The following RTN3 variants were observed in gnomAD, a reference collection of about 807,000 sequenced individuals.
The protein encoded by RTN3 is reticulon 3.
In RTN3, 49 loss-of-function variants were observed where a neutral mutation model predicts 77.8. The ratio of observed to expected loss-of-function variants is 0.63; its 90% CI spans 0.50 to 0.80. The LOEUF (loss-of-function observed/expected upper bound fraction) is 0.80. Among genes scored for constraint, RTN3 ranks in the 30% least tolerant of loss-of-function variants. The probability of loss-of-function intolerance (pLI) is 0.00; values close to 1 mark genes in which losing one functional copy is unlikely to be tolerated. For synonymous variants in RTN3, 464 were observed against 446.9 expected (o/e 1.04, Z -0.48); for missense variants, 1,236 against 1,211.9 (o/e 1.02, Z -0.29).
At chr11:63,742,644 A>G (rs2135017684) in intron 3 of RTN3, among the ~76,000 whole-genome samples, 1 of 152,106 alleles carries the variant, frequency 6.6e-6, no homozygotes, top group African/African-American at 2.4e-5. Context: ...AAACTCCATC[A>G]CACACAAAAA....
intron 3 of RTN3, among the ~76,000 whole-genome samples, chr11:63,732,182 A>G (rs1017248814): frequency 2.6e-5 from 4 of 152,004 alleles, no homozygotes; most frequent in Non-Finnish European, 5.9e-5. Flanking sequence ...TTTTGGAAAC[A>G]GGGTCTTGCT....
intron 3 of RTN3, among the ~76,000 whole-genome samples, chr11:63,731,000 G>A (rs1351988772): frequency 1.3e-5 from 2 of 152,132 alleles, no homozygotes; most frequent in African/African-American, 4.8e-5. Context: ...TATTTTACAA[G>A]TGTATAAGGT....
At chr11:63,690,495 CTGTGAGGTAGACA>C (rs1941598864) in intron 1 of RTN3, among the ~76,000 whole-genome samples, 1 of 152,134 alleles carries the variant, frequency 6.6e-6, no homozygotes, top group Non-Finnish European at 1.5e-5. Flanking sequence ...TTATGTTTAT[CTGTGAGGTAGACA>C]GGTAGCGATA....
At chr11:63,716,705 C>T (rs2011417335) in intron 2 of RTN3, among the ~76,000 whole-genome samples, 1 of 152,156 alleles carries the variant, frequency 6.6e-6, no homozygotes, top group African/African-American at 2.4e-5. Context: ...GTGGCTCATG[C>T]GTGTATTCCC....
chr11:63,744,867 C>CT (rs1434690333), intron 3 of RTN3, among the ~76,000 whole-genome samples: 1 of 152,142 alleles, frequency 6.6e-6, no homozygotes, highest in Non-Finnish European at 1.5e-5. Flanking sequence ...TGGTGCACGC[C>CT]TATAGTCCTA....
intron 2 of RTN3, among the ~76,000 whole-genome samples, chr11:63,715,590 G>A (rs921810978): frequency 2.0e-4 from 30 of 152,180 alleles, no homozygotes; most frequent in Admixed American, 9.8e-4. Flanking sequence ...TCTGGGGGGC[G>A]GAGGTTGCAG....
At chr11:63,749,005 G>C (rs1004398500) in intron 3 of RTN3, among the ~76,000 whole-genome samples, 1 of 151,936 alleles carries the variant, frequency 6.6e-6, no homozygotes, top group East Asian at 2.0e-4. Flanking sequence ...AGCTTGGCCA[G>C]GCATGGTGGC....
In RTN3 at chr11:63,759,269, A is replaced by G. The variant is rs1025702102; in HGVS notation, c.*1068A>G. 2.0e-5 allele frequency: 3 copies of G among 152,180 alleles called. No individual in the cohort carries two copies. The highest frequency in any genetic ancestry group is 2.9e-5 in the Non-Finnish European group (2 of 68,034). The allele number at this position is 152,180 out of a possible 1,614,324, so 9.4% of individuals were successfully genotyped here. On this transcript the variant is annotated 3_prime_UTR_variant, in exon 9 of 9. Transcript: ENST00000377819. ...GCAAGTTTTTTTCTTCACCTTCAAT[A>G]TGAGAATTCAGCGAACTTGAAAGAA... is the stretch of plus-strand genomic sequence containing the variant.
intron 1 of RTN3, among the ~76,000 whole-genome samples, chr11:63,686,073 AT>A (rs1316473629): frequency 1.3e-5 from 2 of 152,220 alleles, no homozygotes; most frequent in Non-Finnish European, 2.9e-5. Context: ...TTCAGTGTTC[AT>A]TTCAGAGCAA....
chr11:63,740,471 G>A (rs1351479891), intron 3 of RTN3, among the ~76,000 whole-genome samples: 1 of 46,110 alleles, frequency 2.2e-5, no homozygotes, highest in African/African-American at 7.9e-5. Context: ...TTTTTTTTTT[G>A]TATTTTTAGT....
chr11:63,732,682 A>ATTATATTAACACAATTTAT (rs1338663089), intron 3 of RTN3, among the ~76,000 whole-genome samples: 1 of 152,226 alleles, frequency 6.6e-6, no homozygotes, highest in Non-Finnish European at 1.5e-5. Context: ...ATATTAAAGA[A>ATTATATTAACACAATTTAT]ATTAAATTCA....
At chr11:63,740,268 A>G (rs747747999) in intron 3 of RTN3, among the ~76,000 whole-genome samples, 10 of 151,612 alleles carry the variant, frequency 6.6e-5, no homozygotes, top group Non-Finnish European at 1.5e-4. Flanking sequence ...GGCCCCTTCT[A>G]ACCTCCCCAT....
In RTN3 at chr11:63,759,103, A is replaced by T. The variant is rs1405941701; in HGVS notation, c.*902A>T. The T allele has an allele frequency of 6.6e-6, 1 of 152,198 alleles. No individual in the cohort carries two copies. The highest frequency in any genetic ancestry group is 1.5e-5 in the Non-Finnish European group (1 of 68,034). The allele number at this position is 152,198 out of a possible 1,614,324, so 9.4% of individuals were successfully genotyped here. On this transcript the variant is annotated 3_prime_UTR_variant, in exon 9 of 9. Coordinates refer to ENST00000377819, the MANE Select transcript of RTN3 (RefSeq NM_001265589.2). Reference sequence around the variant, plus strand: ...TGTAAACTTGTTAGAGAAAAAAATAACCTGCATGTGGGCTCCTCAGTTATT... The same window carrying T: ...TGTAAACTTGTTAGAGAAAAAAATATCCTGCATGTGGGCTCCTCAGTTATT...
At chr11:63,696,015 T>C (rs1358584509) in intron 1 of RTN3, among the ~76,000 whole-genome samples, 4 of 152,098 alleles carry the variant, frequency 2.6e-5, no homozygotes, top group Admixed American at 1.3e-4. Flanking sequence ...TACAACCCAG[T>C]TGTTAATGAC....
intron 3 of RTN3, among the ~76,000 whole-genome samples, chr11:63,731,302 A>G (rs377656743): frequency 1.3e-5 from 2 of 152,142 alleles, no homozygotes; most frequent in African/African-American, 4.8e-5. Context: ...TTGGTCTCGA[A>G]CTCCCAACCT....
chr11:63,687,847 C>G (rs2134623576), intron 1 of RTN3, among the ~76,000 whole-genome samples: 1 of 152,282 alleles, frequency 6.6e-6, no homozygotes, highest in East Asian at 1.9e-4. Context: ...AGTTCAAGTA[C>G]AAATGAGAAA....
chr11:63,688,914 CAA>C (rs1243834846), intron 1 of RTN3, among the ~76,000 whole-genome samples: 2 of 152,108 alleles, frequency 1.3e-5, no homozygotes, highest in Admixed American at 6.6e-5. Context: ...TTGTTTGAGT[CAA>C]GAGTATATTT....
chr11:63,741,865 A>G (rs868538545), intron 3 of RTN3, among the ~76,000 whole-genome samples: 7 of 151,812 alleles, frequency 4.6e-5, no homozygotes, highest in Middle Eastern at 3.4e-3. Flanking sequence ...ATACCATTCT[A>G]TTGCTCTATT....
chr11:63,720,518 T>C lies in RTN3; in HGVS notation c.2016T>C (p.Asn672=), dbSNP rs1565322791. Residue 672 remains asparagine, a synonymous_variant, in exon 3 of 9, where the codon AAT becomes AAC. Coordinates refer to ENST00000377819, the MANE Select transcript of RTN3 (RefSeq NM_001265589.2). The part of the protein sequence containing the change: ...RDKGIVDSER[N]AFKAISEKMT... ...AAGGAATAGTAGATAGTGAAAGAAA[T>C]GCTTTTAAAGCAATATCAGAGAAGA... is the stretch of plus-strand genomic sequence containing the variant. 1 of 1,614,000 alleles carries C rather than the reference T, an allele frequency of 6.2e-7. No homozygotes were observed. The highest frequency in any genetic ancestry group is 8.5e-7 in the Non-Finnish European group (1 of 1,179,994).
Sources: allele counts gnomAD v4.1 joint callset (sites outside exome capture counted in the v4.1 genomes callset), GRCh38; gene constraint gnomAD v4.1.1; transcripts MANE v1.5; gene names NCBI Gene and HGNC (gene_info 2026-07-23, HGNC 2026-07-21).